The following GRM5 variants were observed in gnomAD, a reference collection of about 807,000 sequenced individuals.
GRM5 encodes metabotropic glutamate receptor 5.
GRM5 carries 19 observed loss-of-function variants against 83.1 expected under a neutral mutation model. The observed-to-expected ratio is 0.23, with a 90% CI of 0.16 to 0.34. The LOEUF (loss-of-function observed/expected upper bound fraction) is 0.34, where lower values mean the gene tolerates loss of function less well. Among genes scored for constraint, GRM5 ranks in the 10% least tolerant of loss-of-function variants. The pLI is 1.00. For synonymous variants in GRM5, 675 were observed against 633.6 expected, an observed-to-expected ratio of 1.07 and a Z score of -0.98; for missense variants, 1,160 against 1,588.3, an observed-to-expected ratio of 0.73 and a Z score of 4.58.
At chr11:88,717,690 C>A (rs1210033802) in intron 3 of GRM5, among the ~76,000 whole-genome samples, 7 of 151,618 alleles carry the variant, frequency 4.6e-5, no homozygotes, top group African/African-American at 1.7e-4. Flanking sequence ...GAGAAAATGT[C>A]CATAGCACAA....
chr11:88,577,586 C>T (rs1354293573), intron 7 of GRM5, among the ~76,000 whole-genome samples: 1 of 152,106 alleles, frequency 6.6e-6, no homozygotes, highest in Non-Finnish European at 1.5e-5. Context: ...TTGTATTGAA[C>T]ACTTTATTCT....
chr11:88,761,029 T>C (rs573581949), intron 3 of GRM5, among the ~76,000 whole-genome samples: 15 of 152,020 alleles, frequency 9.9e-5, no homozygotes, highest in Admixed American at 2.0e-4. Context: ...AAACCCTTAA[T>C]AAACTAGTTA....
intron 3 of GRM5, 55 bp from the exon 4 acceptor site, chr11:88,653,458 A>T (rs557521527): frequency 8.5e-7 from 1 of 1,169,764 alleles, no homozygotes; most frequent in South Asian, 1.3e-5. Context: ...TAAGCAAATG[A>T]GTCCATTTGC....
At chr11:88,819,153 G>C (rs1047783876) in intron 3 of GRM5, among the ~76,000 whole-genome samples, 1 of 152,196 alleles carries the variant, frequency 6.6e-6, no homozygotes, top group African/African-American at 2.4e-5. Context: ...AGTGGAAAGA[G>C]CATAGGTCTT....
intron 3 of GRM5, among the ~76,000 whole-genome samples, chr11:88,737,696 G>A (rs1941947872): frequency 6.6e-6 from 1 of 151,968 alleles, no homozygotes; most frequent in South Asian, 2.1e-4. Flanking sequence ...AAAATAAAAA[G>A]GAAGGGAAGG....
chr11:89,017,415 C>G (rs1188189240), intron 2 of GRM5, among the ~76,000 whole-genome samples: 1 of 152,164 alleles, frequency 6.6e-6, no homozygotes, highest in Non-Finnish European at 1.5e-5. Flanking sequence ...AAATTGAAAG[C>G]TGGCCTTCAG....
intron 8 of GRM5, among the ~76,000 whole-genome samples, chr11:88,528,018 T>TAAA (rs1941921667): frequency 6.6e-6 from 1 of 151,706 alleles, no homozygotes; most frequent in African/African-American, 2.4e-5. Flanking sequence ...ATAATCTGCA[T>TAAA]ATTATACCCC....
intron 3 of GRM5, among the ~76,000 whole-genome samples, chr11:88,667,596 T>C (rs1285177160): frequency 2.0e-5 from 3 of 151,678 alleles, no homozygotes; most frequent in African/African-American, 7.3e-5. Context: ...AAAAGTATAG[T>C]AGAAAGAAAA....
At chr11:89,013,886 T>A (rs1261331889) in intron 2 of GRM5, among the ~76,000 whole-genome samples, 1 of 152,162 alleles carries the variant, frequency 6.6e-6, no homozygotes, top group Non-Finnish European at 1.5e-5. Flanking sequence ...TAGAAGTGAA[T>A]CCCTAGTGGT....
intron 3 of GRM5, among the ~76,000 whole-genome samples, chr11:88,825,259 T>C (rs1943875790): frequency 6.6e-6 from 1 of 152,176 alleles, no homozygotes. Context: ...GGTTTGTTAT[T>C]TTCTTAAGTA....
intron 2 of GRM5, among the ~76,000 whole-genome samples, chr11:88,958,212 A>G (rs981826865): frequency 2.0e-5 from 3 of 151,344 alleles, no homozygotes; most frequent in African/African-American, 7.3e-5. Flanking sequence ...TGAAAACCAC[A>G]GAATAAATGT....
At chr11:88,809,850 T>C (rs1487693945) in intron 3 of GRM5, among the ~76,000 whole-genome samples, 2 of 152,078 alleles carry the variant, frequency 1.3e-5, no homozygotes, top group African/African-American at 4.8e-5. Flanking sequence ...CTGTTAAATT[T>C]GAATTTTAGA....
chr11:88,569,355 T>C lies in GRM5; in HGVS notation c.1691-1363A>G, dbSNP rs567521865. Among the ~76,000 whole-genome samples the C allele has an allele frequency of 4.7e-4, 72 of 152,324 alleles. No homozygotes were observed. The South Asian group carries it at 0.014, about 30-fold the overall frequency. ...TCTGGAGCATTGGGCATTTGAGGAA[T>C]GTAGCAGAAATGACTAATTGCATGT... is the stretch of plus-strand genomic sequence containing the variant. On this transcript the variant is annotated intron_variant, in intron 7 of 9. Coordinates refer to ENST00000305447, the MANE Select transcript of GRM5 (RefSeq NM_001143831.3).
chr11:88,904,933 A>G (rs1405896627), intron 2 of GRM5, among the ~76,000 whole-genome samples: 1 of 152,172 alleles, frequency 6.6e-6, no homozygotes, highest in Non-Finnish European at 1.5e-5. Context: ...TATTATGTTA[A>G]TATAAAAGAT....
chr11:88,799,337 AAT>A (rs1943344507), intron 3 of GRM5, among the ~76,000 whole-genome samples: 1 of 150,850 alleles, frequency 6.6e-6, no homozygotes, highest in African/African-American at 2.4e-5. Flanking sequence ...ATTTATCAAC[AAT>A]AGTTAAGTTA....
chr11:89,037,123 G>A (rs1225119308), intron 2 of GRM5, among the ~76,000 whole-genome samples: 1 of 152,020 alleles, frequency 6.6e-6, no homozygotes, highest in Non-Finnish European at 1.5e-5. Context: ...TCTTGTAAAT[G>A]GCACAAATGC....
At chr11:88,617,175 C>T (rs188355481) in intron 4 of GRM5, among the ~76,000 whole-genome samples, 104 of 152,262 alleles carry the variant, frequency 6.8e-4, no homozygotes, top group Admixed American at 6.1e-3. Flanking sequence ...GTGGGCCAGA[C>T]AACCCCATTA....
At chr11:88,970,267 G>A (rs755220418) in intron 2 of GRM5, among the ~76,000 whole-genome samples, 23 of 152,230 alleles carry the variant, frequency 1.5e-4, no homozygotes, top group Non-Finnish European at 2.9e-4. Flanking sequence ...ATAGTTCAAC[G>A]TGGGTGGCTC....
chr11:88,813,491 T>C (rs2135500002), intron 3 of GRM5, among the ~76,000 whole-genome samples: 1 of 152,284 alleles, frequency 6.6e-6, no homozygotes. Flanking sequence ...AAAAAAAGAA[T>C]GCCAATGAAA....
Sources: gnomAD v4.1 joint callset for allele counts (sites outside exome capture counted in the v4.1 genomes callset) on GRCh38, gnomAD v4.1.1 for gene constraint, MANE v1.5 for transcripts, NCBI Gene and HGNC (gene_info 2026-07-23, HGNC 2026-07-21) for gene names.